BCAT1: variants seen among roughly 807,000 people sequenced by gnomAD.
The protein encoded by BCAT1 is branched chain amino acid transaminase 1, also known as branched-chain-amino-acid aminotransferase, cytosolic.
BCAT1 carries 48 observed loss-of-function variants against 52.4 expected under a neutral mutation model. The observed-to-expected ratio is 0.92, with a 90% CI of 0.73 to 1.16. The LOEUF (loss-of-function observed/expected upper bound fraction) is 1.16. Ranked by LOEUF, BCAT1 falls within the 50% of genes most tolerant of loss-of-function variation. The pLI is 0.00. For synonymous variants in BCAT1, 167 were observed against 161.3 expected, an observed-to-expected ratio of 1.04 and a Z score of -0.27; for missense variants, 451 against 457.1, an observed-to-expected ratio of 0.99 and a Z score of 0.12.
chr12:24,838,541 C>A (rs1265567002), intron 7 of BCAT1, among the ~76,000 whole-genome samples: 1 of 151,792 alleles, frequency 6.6e-6, no homozygotes, highest in East Asian at 1.9e-4. Context: ...TTCCAGTGCC[C>A]CCAAACCGGA....
chr12:24,838,378 G>A (rs1277227810), intron 7 of BCAT1, among the ~76,000 whole-genome samples: 3 of 152,036 alleles, frequency 2.0e-5, no homozygotes, highest in African/African-American at 7.2e-5. Flanking sequence ...GAGAAAATTT[G>A]TTCTTGGCAA....
intron 1 of BCAT1, 187 bp from the exon 2 acceptor site, chr12:24,902,072 C>G (rs2291895): frequency 0.12 from 183,642 of 1,510,740 alleles, 12,133 homozygotes; most frequent in Middle Eastern, 0.16. Flanking sequence ...GGAGCGCTGC[C>G]CTGCACTTCC....
chr12:24,895,286 G>A (rs1205156346), intron 2 of BCAT1, among the ~76,000 whole-genome samples: 1 of 152,074 alleles, frequency 6.6e-6, no homozygotes, highest in Non-Finnish European at 1.5e-5. Flanking sequence ...CAGCACTTTG[G>A]GAAGCCGAGG....
At chr12:24,917,550 C>G (rs941360203) in intron 1 of BCAT1, among the ~76,000 whole-genome samples, 2 of 152,120 alleles carry the variant, frequency 1.3e-5, no homozygotes, top group East Asian at 1.9e-4. Context: ...GTATTTAAGA[C>G]TACTTGTCAA....
In BCAT1 at chr12:24,856,810, G is replaced by A. The variant is rs79637703; in HGVS notation, c.511-6861C>T. On this transcript the variant is annotated intron_variant, in intron 5 of 10. Transcript: ENST00000261192. ...ACAAATCTGGTCTTCAAGCTGGCCC[G>A]CAAACTGGTCAGTTACAAACTTTTC... is the stretch of plus-strand genomic sequence containing the variant. Among the ~76,000 whole-genome samples, 1,028 of 152,272 alleles carry A rather than the reference G, an allele frequency of 6.8e-3. 8 individuals are homozygous for A. The highest frequency in any genetic ancestry group is 0.011 in the Non-Finnish European group (764 of 68,016).
In BCAT1 at chr12:24,902,116, C is replaced by T. The variant is rs2139681377; in HGVS notation, c.7-231G>A. The T allele has an allele frequency of 6.8e-6, 10 of 1,463,178 alleles. No individual in the cohort carries two copies. The South Asian group carries it at 1.4e-4, about 21-fold the overall frequency. The allele number at this position is 1,463,178 out of a possible 1,614,324, so 90.6% of individuals were successfully genotyped here. A position where few individuals can be genotyped will look rare whatever the true frequency, so the allele number is the denominator to read the frequency against. The stretch of plus-strand genomic sequence containing the variant: ...CGGGGTCGCGGCGGTTTTTGTCCTC[C>T]TCCGCCGGCTCAGGGAAGACTGGTT... On this transcript the variant is annotated intron_variant, in intron 1 of 10. Coordinates refer to ENST00000261192, the MANE Select transcript of BCAT1 (RefSeq NM_005504.7).
intron 5 of BCAT1, among the ~76,000 whole-genome samples, chr12:24,851,099 G>C (rs1435587702): frequency 6.6e-6 from 1 of 152,118 alleles, no homozygotes; most frequent in Non-Finnish European, 1.5e-5. Flanking sequence ...CGTTTTGAAG[G>C]CTACATATTA....
intron 3 of BCAT1, among the ~76,000 whole-genome samples, chr12:24,892,038 T>C (rs1942858022): frequency 6.6e-6 from 1 of 150,516 alleles, no homozygotes; most frequent in African/African-American, 2.4e-5. Context: ...ATTACAGGCG[T>C]GAGCCACCTC....
intron 10 of BCAT1, among the ~76,000 whole-genome samples, chr12:24,829,219 A>G (rs1373634256): frequency 6.6e-6 from 1 of 151,418 alleles, no homozygotes; most frequent in Non-Finnish European, 1.5e-5. Context: ...TCCCATCTCT[A>G]CTAAAAACAC....
intron 5 of BCAT1, among the ~76,000 whole-genome samples, chr12:24,859,902 T>A (rs939999775): frequency 2.0e-5 from 3 of 152,162 alleles, no homozygotes; most frequent in Admixed American, 6.6e-5. Flanking sequence ...TGAAATGGTG[T>A]TTAGCTTTCT....
chr12:24,869,824 T>C (rs973842017), intron 5 of BCAT1, among the ~76,000 whole-genome samples: 1 of 152,230 alleles, frequency 6.6e-6, no homozygotes, highest in African/African-American at 2.4e-5. Flanking sequence ...ATCTTAACCA[T>C]GTGCTGGGTC....
intron 5 of BCAT1, among the ~76,000 whole-genome samples, chr12:24,873,465 C>A (rs544544903): frequency 6.6e-6 from 1 of 152,158 alleles, no homozygotes; most frequent in Non-Finnish European, 1.5e-5. Context: ...TAATATCCAA[C>A]AAAGTACATG....
intron 6 of BCAT1, among the ~76,000 whole-genome samples, chr12:24,844,915 A>G (rs1048218192): frequency 1.3e-4 from 17 of 132,442 alleles, no homozygotes; most frequent in African/African-American, 4.3e-4. Context: ...AAAAAAAAAA[A>G]AAGAGTCCTT....
chr12:24,818,666 T>G (rs1307638831), intron 10 of BCAT1, among the ~76,000 whole-genome samples: 1 of 152,220 alleles, frequency 6.6e-6, no homozygotes, highest in South Asian at 2.1e-4. Flanking sequence ...GACTCTGTTC[T>G]CTAAATCAAA....
intron 3 of BCAT1, among the ~76,000 whole-genome samples, chr12:24,886,564 A>G (rs1942666831): frequency 6.6e-6 from 1 of 152,254 alleles, no homozygotes; most frequent in African/African-American, 2.4e-5. Flanking sequence ...GTACTTAAGT[A>G]TGTAAAAGCA....
chr12:24,830,998 A>G (rs1940641488), intron 9 of BCAT1, among the ~76,000 whole-genome samples: 2 of 152,196 alleles, frequency 1.3e-5, no homozygotes, highest in Non-Finnish European at 2.9e-5. Context: ...TGGAGTTTGC[A>G]TTTACGGTTG....
At chr12:24,829,577 A>G (rs975476105) in intron 10 of BCAT1, among the ~76,000 whole-genome samples, 3 of 152,102 alleles carry the variant, frequency 2.0e-5, no homozygotes, top group African/African-American at 7.2e-5. Context: ...ATGTTAAGTA[A>G]TGTGGAGTCC....
intron 1 of BCAT1, among the ~76,000 whole-genome samples, chr12:24,939,473 T>A (rs1943817017): frequency 6.6e-6 from 1 of 152,210 alleles, no homozygotes; most frequent in Non-Finnish European, 1.5e-5. Flanking sequence ...AATAGATAAT[T>A]TTCAATTAGT....
intron 1 of BCAT1, among the ~76,000 whole-genome samples, chr12:24,917,767 G>A (rs1457010546): frequency 6.6e-6 from 1 of 152,184 alleles, no homozygotes; most frequent in Non-Finnish European, 1.5e-5. Flanking sequence ...CAGAAGTCAG[G>A]TTAATAAATG....
Sources: gnomAD v4.1 joint callset for allele counts (sites outside exome capture counted in the v4.1 genomes callset) on GRCh38, gnomAD v4.1.1 for gene constraint, MANE v1.5 for transcripts, NCBI Gene and HGNC (gene_info 2026-07-23, HGNC 2026-07-21) for gene names.